The following AGAP1 variants were observed in gnomAD, a reference collection of about 807,000 sequenced individuals.
AGAP1 encodes ArfGAP with GTPase domain, ankyrin repeat and PH domain 1, also known as arf-GAP with GTPase, ANK repeat and PH domain-containing protein 1.
A neutral mutation model predicts 105.3 loss-of-function variants in AGAP1; 29 were observed. That is an observed-to-expected ratio of 0.28 (90% CI 0.21 to 0.38). The LOEUF (loss-of-function observed/expected upper bound fraction) is 0.38, where lower values mean the gene tolerates loss of function less well. Among genes scored for constraint, AGAP1 ranks in the 10% least tolerant of loss-of-function variants. The pLI is 1.00. For missense variants in AGAP1, 998 were observed against 1,165.1 expected, an observed-to-expected ratio of 0.86 and a Z score of 2.09; for synonymous variants, 509 against 485.9, an observed-to-expected ratio of 1.05 and a Z score of -0.63.
At chr2:235,619,642 C>T (rs1380548207) in intron 1 of AGAP1, among the ~76,000 whole-genome samples, 2 of 152,202 alleles carry the variant, frequency 1.3e-5, no homozygotes, top group African/African-American at 4.8e-5. Flanking sequence ...GCAGATGCAG[C>T]TCTTTTCCCC....
intron 13 of AGAP1, among the ~76,000 whole-genome samples, chr2:236,004,055 C>G (rs1175442138): frequency 6.6e-6 from 1 of 152,092 alleles, no homozygotes; most frequent in Non-Finnish European, 1.5e-5. Flanking sequence ...ATCTTGTGCC[C>G]CAAATATTCC....
At position 236,055,472 on chromosome 2, in the gene AGAP1, CTTAA is replaced by C. The variant is rs1381426785; in HGVS notation, c.2114+6198_2114+6201del. On this transcript the variant is annotated intron_variant, in intron 16 of 17. Transcript: ENST00000304032. This position sits in a 1 kb window ranked among gnomAD's most constrained non-coding sequence, Gnocchi z 6.2. Reference sequence around the variant, plus strand: ...CGCTGTGGTTTTTCTATTTGACAGGCTTAATTAATTGGCAGGAGCCCCCGAAAAT... The same window carrying C: ...CGCTGTGGTTTTTCTATTTGACAGGCTTAATTGGCAGGAGCCCCCGAAAAT... Among the ~76,000 whole-genome samples the C allele has an allele frequency of 6.6e-5, 10 of 152,236 alleles. No individual in the cohort carries two copies.
intron 9 of AGAP1, among the ~76,000 whole-genome samples, chr2:235,868,936 G>T (rs1203378941): frequency 6.6e-6 from 1 of 152,114 alleles, no homozygotes; most frequent in Non-Finnish European, 1.5e-5. Context: ...AGGTTCCTTG[G>T]GCTTAAAGCA....
At chr2:235,676,685 T>A (rs1559337186) in intron 1 of AGAP1, among the ~76,000 whole-genome samples, 1 of 152,384 alleles carries the variant, frequency 6.6e-6, no homozygotes, top group East Asian at 1.9e-4. Context: ...TTTTTGTTTT[T>A]GAAAAATATT....
chr2:236,036,552 G>C lies in AGAP1; in HGVS notation c.1646-9G>C. 6.2e-7 allele frequency: 1 copy of C among 1,613,684 alleles called. No homozygotes were observed. The highest frequency in any genetic ancestry group is 8.5e-7 in the Non-Finnish European group (1 of 1,179,720). On this transcript the variant is annotated splice_polypyrimidine_tract_variant and intron_variant, in intron 13 of 17. Transcript: ENST00000304032. The surrounding 1 kb of genome is among the most constrained non-coding windows in gnomAD (Gnocchi z 5.7). The stretch of plus-strand genomic sequence containing the variant: ...AGCTAAACTCTTCATCCCACACTCT[G>C]TGTTTCAGAACAAGAAGAAAATTTT...
At position 236,119,096 on chromosome 2, in the gene AGAP1, CAGG is replaced by C. The variant is rs1360859245; in HGVS notation, c.2115-1090_2115-1088del. 1.3e-5 allele frequency among the ~76,000 whole-genome samples: 2 copies of C among 152,120 alleles called. No individual in the cohort carries two copies. Among genetic ancestry groups the C allele is most frequent in the African/African-American group, 4.8e-5 (2 of 41,428 alleles). On this transcript the variant is annotated intron_variant, in intron 16 of 17. Transcript: ENST00000304032. This position sits in a 1 kb window ranked among gnomAD's most constrained non-coding sequence, Gnocchi z 6.6. ...GGGTCCCCATCCTCTGTAGACCCCC[CAGG>C]AGGAGACCATGTATTACACTGGCCA...
chr2:235,684,286 C>T (rs1424942157), intron 1 of AGAP1, among the ~76,000 whole-genome samples: 50 of 152,038 alleles, frequency 3.3e-4, no homozygotes, highest in Non-Finnish European at 1.5e-5. Context: ...CCTCATGATC[C>T]ACCCGCCTCG....
At position 235,615,683 on chromosome 2, in the gene AGAP1, A is replaced by T. The variant is rs560373357; in HGVS notation, c.164-93496A>T. Among the ~76,000 whole-genome samples the T allele has an allele frequency of 6.6e-6, 1 of 152,308 alleles. No individual in the cohort carries two copies. Among genetic ancestry groups the T allele is most frequent in the Admixed American group, 6.5e-5 (1 of 15,302 alleles). On this transcript the variant is annotated intron_variant, in intron 1 of 17. Transcript: ENST00000304032. This position sits in a 1 kb window ranked among gnomAD's most constrained non-coding sequence, Gnocchi z 5.0. ...AGCTGGGTTATTGTGAAACTAGGTC[A>T]AATTATTGTTTTTTCTCTTTATGCT...
At chr2:235,536,940 T>C (rs1273565777) in intron 1 of AGAP1, among the ~76,000 whole-genome samples, 1 of 152,178 alleles carries the variant, frequency 6.6e-6, no homozygotes, top group Admixed American at 6.5e-5. Context: ...TTCTCTGCTG[T>C]GGGCAGGTGC....
chr2:236,048,025 A>G (rs779396540), intron 15 of AGAP1, among the ~76,000 whole-genome samples: 1 of 152,214 alleles, frequency 6.6e-6, no homozygotes, highest in African/African-American at 2.4e-5. Flanking sequence ...GTTACTTGCC[A>G]TTTATAAAAC....
intron 1 of AGAP1, among the ~76,000 whole-genome samples, chr2:235,585,724 G>A (rs969749257): frequency 6.6e-6 from 1 of 152,126 alleles, no homozygotes; most frequent in Non-Finnish European, 1.5e-5. Context: ...TTTACCTTTA[G>A]AAAAACTTGT....
chr2:235,823,333 C>T (rs140242454), intron 9 of AGAP1, among the ~76,000 whole-genome samples: 1 of 152,156 alleles, frequency 6.6e-6, no homozygotes, highest in Non-Finnish European at 1.5e-5. Context: ...CCCCACCTCC[C>T]CGTATCACCC....
rs1015778452 is a variant in AGAP1, at chr2:235,977,056, C to CT, written c.1645+8441dup. On this transcript the variant is annotated intron_variant, in intron 13 of 17. Coordinates refer to ENST00000304032, the MANE Select transcript of AGAP1 (RefSeq NM_001037131.3). This position sits in a 1 kb window ranked among gnomAD's most constrained non-coding sequence, Gnocchi z 5.2. Reference sequence around the variant, plus strand: ...ACAGAAATGTGACGGACCTCAACTCCTTTTTTTTAGCTAGACTTAGAGATT... The same window carrying CT: ...ACAGAAATGTGACGGACCTCAACTCCTTTTTTTTTAGCTAGACTTAGAGATT... Among the ~76,000 whole-genome samples, 22 of 152,064 alleles carry CT rather than the reference C, an allele frequency of 1.4e-4. No individual in the cohort carries two copies. The highest frequency in any genetic ancestry group is 3.4e-3 in the Middle Eastern group (1 of 294).
At chr2:235,676,801 C>T (rs1485915998) in intron 1 of AGAP1, among the ~76,000 whole-genome samples, 1 of 151,974 alleles carries the variant, frequency 6.6e-6, no homozygotes, top group East Asian at 1.9e-4. Flanking sequence ...AATGATGTCA[C>T]AATGAGTGAA....
At chr2:235,805,416 T>C (rs1341854184) in intron 8 of AGAP1, among the ~76,000 whole-genome samples, 1 of 152,144 alleles carries the variant, frequency 6.6e-6, no homozygotes, top group African/African-American at 2.4e-5. Flanking sequence ...TACAGGAAGA[T>C]GTTAATTTTT....
chr2:235,781,928 T>G (rs1411742735), intron 6 of AGAP1, among the ~76,000 whole-genome samples: 1 of 152,234 alleles, frequency 6.6e-6, no homozygotes, highest in Non-Finnish European at 1.5e-5. Flanking sequence ...AAGCTACGTC[T>G]TCATGCATCA....
chr2:235,629,512 G>A (rs1946755691), intron 1 of AGAP1, among the ~76,000 whole-genome samples: 4 of 151,860 alleles, frequency 2.6e-5, no homozygotes, highest in Admixed American at 2.6e-4. Flanking sequence ...GGTGAGTATC[G>A]AGTGTCCAGC....
rs750610364 is a variant in AGAP1 at position 235,494,668 on chromosome 2, C to A, written c.-19C>A. ...GGCGGCGGCGGGGGGCGCGCGGCTC[C>A]GGGCGCGGCGCCTGCACCATGAACT... On this transcript the variant is annotated 5_prime_UTR_variant, in exon 1 of 18. Transcript: ENST00000304032. 1.2e-5 allele frequency: 15 copies of A among 1,214,900 alleles called. No individual in the cohort carries two copies. The highest frequency in any genetic ancestry group is 1.7e-5 in the African/African-American group (1 of 59,850). 75.3% of individuals were successfully genotyped at this position (1,214,900 alleles called of 1,614,324 possible). A position where few individuals can be genotyped will look rare whatever the true frequency, so the allele number is the denominator to read the frequency against.
At chr2:235,711,082 G>A (rs968110312) in intron 2 of AGAP1, among the ~76,000 whole-genome samples, 4 of 152,230 alleles carry the variant, frequency 2.6e-5, no homozygotes, top group Non-Finnish European at 4.4e-5. Flanking sequence ...TTCCACCACC[G>A]CACTGCCTGA....
Sources: gnomAD v4.1 joint callset for allele counts (sites outside exome capture counted in the v4.1 genomes callset) on GRCh38, gnomAD v4.1.1 for gene constraint, Gnocchi (gnomAD v3.1) non-coding constraint, MANE v1.5 for transcripts, NCBI Gene and HGNC (gene_info 2026-07-23, HGNC 2026-07-21) for gene names.